The following ETV6 variants were observed in gnomAD, a reference collection of about 807,000 sequenced individuals.
ETV6 encodes ETS variant transcription factor 6.
In ETV6, 16 loss-of-function variants were observed where a neutral mutation model predicts 51.1. That is an observed-to-expected ratio of 0.31 (90% CI 0.21 to 0.48). The LOEUF (loss-of-function observed/expected upper bound fraction) is 0.48, where lower values mean the gene tolerates loss of function less well. ETV6 is among the 20% of genes least tolerant of loss of function. ETV6 has a pLI of 0.99. For synonymous variants in ETV6, 240 were observed against 224.1 expected, an observed-to-expected ratio of 1.07 and a Z score of -0.64; for missense variants, 458 against 594.8, an observed-to-expected ratio of 0.77 and a Z score of 2.39.
At chr12:11,711,644 CATTT>C (rs1565495047) in intron 1 of ETV6, among the ~76,000 whole-genome samples, 1 of 152,182 alleles carries the variant, frequency 6.6e-6, no homozygotes, top group African/African-American at 2.4e-5. Flanking sequence ...GTTTTCCAAA[CATTT>C]ATCCTTAAAG....
At chr12:11,685,690 A>T (rs897630460) in intron 1 of ETV6, among the ~76,000 whole-genome samples, 2 of 152,188 alleles carry the variant, frequency 1.3e-5, no homozygotes, top group African/African-American at 4.8e-5. Context: ...GATCTCGATC[A>T]AGTTTGATGT....
chr12:11,876,125 A>C (rs1432622928), intron 5 of ETV6, among the ~76,000 whole-genome samples: 24 of 152,186 alleles, frequency 1.6e-4, no homozygotes, highest in Non-Finnish European at 5.9e-5. Flanking sequence ...AAGGAACAAT[A>C]ACAAGTTATG....
At chr12:11,720,586 G>C (rs1381968408) in intron 1 of ETV6, among the ~76,000 whole-genome samples, 1 of 152,080 alleles carries the variant, frequency 6.6e-6, no homozygotes, top group Non-Finnish European at 1.5e-5. Context: ...ACTCAAGATG[G>C]ATTAAATCGA....
At chr12:11,845,305 A>G (rs922815971) in intron 3 of ETV6, among the ~76,000 whole-genome samples, 10 of 152,360 alleles carry the variant, frequency 6.6e-5, no homozygotes, top group African/African-American at 1.9e-4. Context: ...AGATGACGCT[A>G]AACATTGGTT....
At chr12:11,718,417 CT>C (rs1291348971) in intron 1 of ETV6, among the ~76,000 whole-genome samples, 4 of 152,076 alleles carry the variant, frequency 2.6e-5, no homozygotes, top group African/African-American at 9.7e-5. Context: ...AGATGTAGGG[CT>C]CCTTGTTCAA....
chr12:11,671,732 A>G (rs1394883331), intron 1 of ETV6, among the ~76,000 whole-genome samples: 1 of 152,210 alleles, frequency 6.6e-6, no homozygotes, highest in East Asian at 1.9e-4. Context: ...TCCCAAGGCT[A>G]TTATTGCCAT....
intron 1 of ETV6, among the ~76,000 whole-genome samples, chr12:11,672,799 T>C (rs1294546657): frequency 1.3e-5 from 2 of 152,174 alleles, no homozygotes; most frequent in African/African-American, 4.8e-5. Flanking sequence ...CTTGGCAGTA[T>C]TGAACTTCAA....
At chr12:11,690,617 G>A (rs1023185812) in intron 1 of ETV6, among the ~76,000 whole-genome samples, 1 of 152,000 alleles carries the variant, frequency 6.6e-6, no homozygotes, top group African/African-American at 2.4e-5. Context: ...GGCTGGGCAC[G>A]GTGGCTCATG....
At chr12:11,839,380 C>T (rs1319362853) in intron 3 of ETV6, 76 bp downstream of exon 3, 3 of 1,424,762 alleles carry the variant, frequency 2.1e-6, no homozygotes, top group South Asian at 2.7e-5. Context: ...ACACCCCTCA[C>T]CCGGCCCAAG....
intron 2 of ETV6, among the ~76,000 whole-genome samples, chr12:11,836,061 G>T (rs1232958230): frequency 6.6e-6 from 1 of 152,178 alleles, no homozygotes; most frequent in East Asian, 1.9e-4. Context: ...CTTAGTAAAT[G>T]ACTATTAAGT....
At chr12:11,761,045 C>G (rs369538325) in intron 2 of ETV6, among the ~76,000 whole-genome samples, 2 of 151,954 alleles carry the variant, frequency 1.3e-5, no homozygotes, top group Non-Finnish European at 1.5e-5. Context: ...ACCACTTGCC[C>G]GAGGTCACCC....
intron 1 of ETV6, chr12:11,751,733 C>A: frequency 2.5e-6 from 1 of 393,958 alleles, no homozygotes; most frequent in Non-Finnish European, 5.1e-6. Context: ...TCAGATAATT[C>A]TTTGAATGAA....
At position 11,859,118 on chromosome 12, in the gene ETV6, G is replaced by GCTT. The variant is rs1565555150; in HGVS notation, c.463+5557_463+5558insCTT. ...TAAAGAAGATGAGGTATATGAATCT[G>GCTT]GTTTTTTTTTTTTTTTTTTTTTTTT... On this transcript the variant is annotated intron_variant, in intron 4 of 7. Transcript: ENST00000396373. 5.7e-3 allele frequency among the ~76,000 whole-genome samples: 238 copies of GCTT among 41,800 alleles called. 106 individuals are homozygous for GCTT. Among genetic ancestry groups the GCTT allele is most frequent in the Middle Eastern group, 0.024 (2 of 84 alleles). 27.4% of individuals were successfully genotyped at this position (41,800 alleles called of 152,430 possible). A position where few individuals can be genotyped will look rare whatever the true frequency, so the allele number is the denominator to read the frequency against.
rs141747052 is a variant in ETV6, at chr12:11,833,811, G to A, written c.164-5329G>A. On this transcript the variant is annotated intron_variant, in intron 2 of 7. Coordinates refer to ENST00000396373, the MANE Select transcript of ETV6 (RefSeq NM_001987.5). ...ATTAGGCTACACAAAAAGCACTATG[G>A]TGGGGTGTTAAGAGTTGACACTGTA... Among the ~76,000 whole-genome samples the A allele has an allele frequency of 7.2e-5, 11 of 152,306 alleles. No individual in the cohort carries two copies. In the East Asian group the frequency reaches 1.5e-3, roughly 21 times the overall value.
intron 2 of ETV6, among the ~76,000 whole-genome samples, chr12:11,766,562 A>G (rs559877676): frequency 5.9e-5 from 9 of 152,154 alleles, no homozygotes; most frequent in African/African-American, 2.2e-4. Flanking sequence ...CACCAGCTCC[A>G]TCTTGAACAG....
intron 2 of ETV6, among the ~76,000 whole-genome samples, chr12:11,779,592 G>T (rs192205081): frequency 3.3e-5 from 5 of 152,282 alleles, no homozygotes; most frequent in Non-Finnish European, 7.4e-5. Context: ...CAACCATTTG[G>T]CTGCCTGCTA....
chr12:11,859,581 A>G (rs1446828216), intron 4 of ETV6, among the ~76,000 whole-genome samples: 1 of 152,128 alleles, frequency 6.6e-6, no homozygotes. Context: ...TATTACCTCC[A>G]CTTTATAGAT....
chr12:11,782,751 T>C (rs923147075), intron 2 of ETV6, among the ~76,000 whole-genome samples: 2 of 152,236 alleles, frequency 1.3e-5, no homozygotes, highest in Non-Finnish European at 2.9e-5. Context: ...AATTTAGAAC[T>C]ATAACACCTT....
chr12:11,810,652 A>T (rs569213614), intron 2 of ETV6, among the ~76,000 whole-genome samples: 23 of 152,266 alleles, frequency 1.5e-4, no homozygotes, highest in Non-Finnish European at 2.5e-4. Flanking sequence ...AGTGAAGTCC[A>T]CAGGTCAGAT....
Sources: allele counts gnomAD v4.1 joint callset (sites outside exome capture counted in the v4.1 genomes callset), GRCh38; gene constraint gnomAD v4.1.1; transcripts MANE v1.5; gene names NCBI Gene and HGNC (gene_info 2026-07-23, HGNC 2026-07-21).